CORO1C: variants seen among roughly 807,000 people sequenced by gnomAD.
CORO1C encodes coronin 1C, also known as coronin-1C.
In CORO1C, 14 loss-of-function variants were observed where a neutral mutation model predicts 51.2. That is an observed-to-expected ratio of 0.27 (90% CI 0.18 to 0.43). The LOEUF (loss-of-function observed/expected upper bound fraction) is 0.43. CORO1C is among the 20% of genes least tolerant of loss of function. CORO1C has a pLI of 1.00. For missense variants in CORO1C, 417 were observed against 607.8 expected (o/e 0.69, Z 3.30); for synonymous variants, 181 against 210.5 (o/e 0.86, Z 1.21).
intron 1 of CORO1C, among the ~76,000 whole-genome samples, chr12:108,719,327 T>C (rs2035418943): frequency 6.6e-6 from 1 of 152,176 alleles, no homozygotes. Context: ...CTACCAGAAA[T>C]AACACACACA....
chr12:108,654,125 A>C (rs1053431006), intron 7 of CORO1C, among the ~76,000 whole-genome samples, 181 bp downstream of exon 7: 5 of 152,224 alleles, frequency 3.3e-5, no homozygotes, highest in Non-Finnish European at 7.3e-5. Flanking sequence ...ACAACTGGCA[A>C]GCTGCACACA....
intron 2 of CORO1C, among the ~76,000 whole-genome samples, chr12:108,690,531 T>G (rs1407761527): frequency 6.6e-6 from 1 of 152,168 alleles, no homozygotes; most frequent in Non-Finnish European, 1.5e-5. Context: ...ATTAAGAACT[T>G]GAGGGAAGTT....
chr12:108,715,675 G>C (rs2035313553), intron 1 of CORO1C, among the ~76,000 whole-genome samples: 1 of 32,158 alleles, frequency 3.1e-5, no homozygotes, highest in Non-Finnish European at 4.8e-5. Flanking sequence ...ACTGGCAGCA[G>C]CCATCTCCCT....
chr12:108,674,552 T>TA (rs60922936), intron 3 of CORO1C, among the ~76,000 whole-genome samples: 10,025 of 132,486 alleles, frequency 0.076, 521 homozygotes, highest in East Asian at 0.31. Flanking sequence ...CGTCTCAATT[T>TA]AAAAAAAAAA....
At chr12:108,726,815 T>C (rs1388261559) in intron 1 of CORO1C, among the ~76,000 whole-genome samples, 3 of 152,194 alleles carry the variant, frequency 2.0e-5, no homozygotes, top group Non-Finnish European at 2.9e-5. Flanking sequence ...TCGCTGGCCA[T>C]CTACCCTACT....
At chr12:108,704,408 G>C (rs1156242327) in intron 1 of CORO1C, among the ~76,000 whole-genome samples, 2 of 151,666 alleles carry the variant, frequency 1.3e-5, no homozygotes, top group African/African-American at 4.9e-5. Flanking sequence ...GTAGGCGGAG[G>C]CTTCAGTGAG....
At chr12:108,708,502 C>T (rs370240732) in intron 1 of CORO1C, among the ~76,000 whole-genome samples, 61 of 150,434 alleles carry the variant, frequency 4.1e-4, no homozygotes, top group African/African-American at 1.5e-3. Context: ...TGCTCTGTTG[C>T]CCAGGCTGGA....
chr12:108,658,628 T>C lies in CORO1C; in HGVS notation c.630+110A>G. The C allele has an allele frequency of 1.0e-6, 1 of 1,002,546 alleles. No homozygotes were observed. Among genetic ancestry groups the C allele is most frequent in the East Asian group, 2.4e-5 (1 of 40,938 alleles). The allele number at this position is 1,002,546 out of a possible 1,614,324, so 62.1% of individuals were successfully genotyped here. A position where few individuals can be genotyped will look rare whatever the true frequency, so the allele number is the denominator to read the frequency against. On this transcript the variant is annotated intron_variant, in intron 5 of 10. Coordinates refer to ENST00000261401, the MANE Select transcript of CORO1C (RefSeq NM_014325.4). This position sits in a 1 kb window ranked among gnomAD's most constrained non-coding sequence, Gnocchi z 4.9. ...CCTTCTCTTATTCACAGTTGGTGTC[T>C]ACACACAACAGGGTCCCACTGACCA...
intron 1 of CORO1C, among the ~76,000 whole-genome samples, chr12:108,711,464 G>A (rs1472149557): frequency 1.3e-5 from 2 of 152,140 alleles, no homozygotes; most frequent in Non-Finnish European, 1.5e-5. Flanking sequence ...TGGATCGCCT[G>A]AGGTCAGGAG....
intron 2 of CORO1C, among the ~76,000 whole-genome samples, chr12:108,690,590 A>C (rs2034460963): frequency 6.6e-6 from 1 of 152,238 alleles, no homozygotes; most frequent in South Asian, 2.1e-4. Context: ...AACACGGAAA[A>C]GTTAACATTT....
intron 1 of CORO1C, among the ~76,000 whole-genome samples, chr12:108,705,089 T>C (rs528105934): frequency 6.6e-6 from 1 of 152,304 alleles, no homozygotes; most frequent in South Asian, 2.1e-4. Context: ...ATAAGATAAT[T>C]TGGATTCAAA....
At chr12:108,730,005 TGCGGTAAGA>T (rs2136895860) in intron 1 of CORO1C, 1 of 152,356 alleles carries the variant, frequency 6.6e-6, no homozygotes, top group East Asian at 1.9e-4. Flanking sequence ...GCAGAAAGGC[TGCGGTAAGA>T]GGGCCTAATA....
chr12:108,722,053 G>A (rs924361354), intron 1 of CORO1C, among the ~76,000 whole-genome samples: 1 of 152,114 alleles, frequency 6.6e-6, no homozygotes, highest in African/African-American at 2.4e-5. Context: ...CCTTACGTGG[G>A]GTCTGCCTGA....
intron 2 of CORO1C, among the ~76,000 whole-genome samples, chr12:108,679,524 A>G (rs1174715281): frequency 6.6e-6 from 1 of 152,242 alleles, no homozygotes; most frequent in East Asian, 1.9e-4. Flanking sequence ...TCCACGCTGA[A>G]GCTGTGTATG....
chr12:108,699,810 C>T (rs1308717682), intron 2 of CORO1C, among the ~76,000 whole-genome samples: 1 of 152,212 alleles, frequency 6.6e-6, no homozygotes, highest in Non-Finnish European at 1.5e-5. Flanking sequence ...TGAAAAGATT[C>T]ATCTTCGCCA....
chr12:108,671,296 G>A (rs1343614326), intron 3 of CORO1C, among the ~76,000 whole-genome samples: 1 of 152,018 alleles, frequency 6.6e-6, no homozygotes, highest in Non-Finnish European at 1.5e-5. Context: ...CTGTACTCCA[G>A]CCTGGGTGAC....
At chr12:108,649,629 T>A (rs1435423658) in intron 8 of CORO1C, 1 of 154,686 alleles carries the variant, frequency 6.5e-6, no homozygotes, top group Admixed American at 6.3e-5. Context: ...AGCAAAGAGC[T>A]CTGTAATGGG....
intron 2 of CORO1C, among the ~76,000 whole-genome samples, chr12:108,698,726 C>T (rs1476298160): frequency 6.6e-6 from 1 of 152,222 alleles, no homozygotes; most frequent in East Asian, 1.9e-4. Context: ...CTTTTATACA[C>T]AGCTGCTTAT....
At chr12:108,695,851 TAAAAAAAAAAAAAA>T (rs924887183) in intron 2 of CORO1C, among the ~76,000 whole-genome samples, 2 of 62,452 alleles carry the variant, frequency 3.2e-5, no homozygotes, top group South Asian at 6.2e-4. Flanking sequence ...TTGGGAGAAC[TAAAAAAAAAAAAAA>T]AAAAAAAAAA....
Sources: gnomAD v4.1 joint callset for allele counts (sites outside exome capture counted in the v4.1 genomes callset) on GRCh38, gnomAD v4.1.1 for gene constraint, Gnocchi (gnomAD v3.1) non-coding constraint, MANE v1.5 for transcripts, NCBI Gene and HGNC (gene_info 2026-07-23, HGNC 2026-07-21) for gene names.